The following SOX5 variants were observed in gnomAD, a reference collection of about 807,000 sequenced individuals.
SOX5 encodes the protein SRY-box transcription factor 5, also known as transcription factor SOX-5.
Under a neutral mutation model 92.0 loss-of-function variants are expected in SOX5, and 9 were observed. The ratio of observed to expected loss-of-function variants is 0.10; its 90% CI spans 0.06 to 0.17. The LOEUF (loss-of-function observed/expected upper bound fraction) is 0.17. SOX5 is among the 10% of genes least tolerant of loss of function. The pLI is 1.00. For missense variants in SOX5, 642 were observed against 944.5 expected (o/e 0.68, Z 4.20); for synonymous variants, 344 against 336.3 (o/e 1.02, Z -0.25).
intron 8 of SOX5, among the ~76,000 whole-genome samples, chr12:23,612,846 G>T (rs906378970): frequency 3.9e-5 from 6 of 152,116 alleles, no homozygotes; most frequent in Non-Finnish European, 7.4e-5. Context: ...CAATTTCAAG[G>T]CTCCATAAGT....
At chr12:23,772,900 T>C (rs1305874091) in intron 3 of SOX5, among the ~76,000 whole-genome samples, 3 of 152,182 alleles carry the variant, frequency 2.0e-5, no homozygotes, top group Non-Finnish European at 2.9e-5. Flanking sequence ...CTCAAGCAGC[T>C]CAGTGAGTGG....
chr12:24,255,815 A>G (rs979331659), intron 3 of SOX5, among the ~76,000 whole-genome samples: 3 of 152,256 alleles, frequency 2.0e-5, no homozygotes, highest in Non-Finnish European at 4.4e-5. Flanking sequence ...GAAACTGCTT[A>G]TAAGTTCCAT....
intron 11 of SOX5, among the ~76,000 whole-genome samples, chr12:23,562,619 A>G (rs1480925236): frequency 1.3e-5 from 2 of 152,220 alleles, no homozygotes; most frequent in East Asian, 1.9e-4. Context: ...TACAACTTAT[A>G]ATATTTTTCT....
chr12:23,569,973 C>T (rs193113298), intron 10 of SOX5, among the ~76,000 whole-genome samples: 47 of 152,254 alleles, frequency 3.1e-4, no homozygotes, highest in Admixed American at 2.9e-3. Context: ...GAAATAAATG[C>T]ACATTCTAAG....
intron 3 of SOX5, among the ~76,000 whole-genome samples, chr12:23,761,474 G>A (rs2094561123): frequency 6.6e-6 from 1 of 152,056 alleles, no homozygotes; most frequent in South Asian, 2.1e-4. Context: ...TTAGTGTTGG[G>A]AGATGACCGT....
chr12:23,737,463 C>T (rs1414049962), intron 5 of SOX5, among the ~76,000 whole-genome samples: 1 of 152,146 alleles, frequency 6.6e-6, no homozygotes, highest in Non-Finnish European at 1.5e-5. Flanking sequence ...TCTCTTGAAT[C>T]TGGGAGGTGG....
intron 2 of SOX5, among the ~76,000 whole-genome samples, chr12:24,277,810 C>T (rs1336501535): frequency 6.6e-6 from 1 of 151,982 alleles, no homozygotes; most frequent in Non-Finnish European, 1.5e-5. Flanking sequence ...TCTTAGGTCT[C>T]TTCTTTGAGC....
chr12:24,336,351 C>T (rs1951902768), intron 2 of SOX5, among the ~76,000 whole-genome samples: 1 of 152,062 alleles, frequency 6.6e-6, no homozygotes, highest in African/African-American at 2.4e-5. Flanking sequence ...CCTTGGCCTC[C>T]CAAAGTGCTG....
chr12:23,681,842 T>C (rs924524893), intron 6 of SOX5, among the ~76,000 whole-genome samples: 1 of 151,774 alleles, frequency 6.6e-6, no homozygotes, highest in African/African-American at 2.4e-5. Flanking sequence ...GAACATGAAA[T>C]AGTTTATAAT....
chr12:23,700,968 T>C (rs972670664), intron 6 of SOX5, among the ~76,000 whole-genome samples: 3 of 151,408 alleles, frequency 2.0e-5, no homozygotes, highest in Admixed American at 6.6e-5. Context: ...TGTATATATA[T>C]ACAAACACAC....
At chr12:23,564,499 A>C (rs1490055079) in intron 10 of SOX5, among the ~76,000 whole-genome samples, 3 of 152,168 alleles carry the variant, frequency 2.0e-5, no homozygotes, top group Non-Finnish European at 4.4e-5. Context: ...TGACAGATGG[A>C]GGGACTGTGA....
At chr12:23,774,784 T>C (rs560877748) in intron 3 of SOX5, among the ~76,000 whole-genome samples, 41 of 152,134 alleles carry the variant, frequency 2.7e-4, no homozygotes, top group Middle Eastern at 3.4e-3. Context: ...GAAAAAAAAA[T>C]AGTACTGGAA....
intron 2 of SOX5, among the ~76,000 whole-genome samples, chr12:23,863,340 A>G (rs1208488593): frequency 2.6e-5 from 4 of 152,202 alleles, no homozygotes; most frequent in African/African-American, 9.7e-5. Context: ...GACAATCACT[A>G]TATGATATTT....
At chr12:23,993,235 C>G (rs1240352119) in intron 4 of SOX5, among the ~76,000 whole-genome samples, 1 of 152,242 alleles carries the variant, frequency 6.6e-6, no homozygotes, top group East Asian at 1.9e-4. Flanking sequence ...CTTTAATAAG[C>G]TGACTTCACA....
At chr12:24,134,078 A>T (rs1033368374) in intron 4 of SOX5, among the ~76,000 whole-genome samples, 18 of 152,022 alleles carry the variant, frequency 1.2e-4, no homozygotes, top group South Asian at 6.2e-4. Context: ...TTTTTTTTTT[A>T]AATTGTTGCT....
At chr12:23,700,971 A>AC (rs1491190807) in intron 6 of SOX5, among the ~76,000 whole-genome samples, 18 of 151,282 alleles carry the variant, frequency 1.2e-4, no homozygotes, top group South Asian at 1.0e-3. Context: ...ATATATATAC[A>AC]AACACACACA....
intron 4 of SOX5, among the ~76,000 whole-genome samples, chr12:23,987,932 T>C (rs144275819): frequency 2.6e-5 from 4 of 152,144 alleles, no homozygotes; most frequent in Non-Finnish European, 5.9e-5. Flanking sequence ...GGAGGGATAA[T>C]TGATTGTAAG....
intron 1 of SOX5, among the ~76,000 whole-genome samples, chr12:24,383,465 T>A (rs1184047326): frequency 1.3e-5 from 2 of 152,214 alleles, no homozygotes; most frequent in African/African-American, 4.8e-5. Context: ...AGTCCAAAAA[T>A]CTTCAATGGA....
chr12:24,138,129 A>G (rs1950266768), intron 4 of SOX5, among the ~76,000 whole-genome samples: 1 of 152,212 alleles, frequency 6.6e-6, no homozygotes, highest in African/African-American at 2.4e-5. Context: ...TCATTCTTAA[A>G]CATAAACTTT....
Sources: gnomAD v4.1 joint callset for allele counts (sites outside exome capture counted in the v4.1 genomes callset) on GRCh38, gnomAD v4.1.1 for gene constraint, MANE v1.5 for transcripts, NCBI Gene and HGNC (gene_info 2026-07-23, HGNC 2026-07-21) for gene names.